Variants in POGZ observed in about 807,000 individuals in gnomAD.
POGZ encodes pogo transposable element derived with ZNF domain.
Under a neutral mutation model 134.6 loss-of-function variants are expected in POGZ, and 17 were observed. The observed-to-expected ratio is 0.13, with a 90% CI of 0.09 to 0.19. The LOEUF is 0.19. POGZ is among the 10% of genes least tolerant of loss of function. The probability of loss-of-function intolerance (pLI) is 1.00; values close to 1 mark genes in which losing one functional copy is unlikely to be tolerated. For missense variants in POGZ, 1,306 were observed against 1,769.7 expected, an observed-to-expected ratio of 0.74 and a Z score of 4.70; for synonymous variants, 693 against 657.1, an observed-to-expected ratio of 1.05 and a Z score of -0.84.
intron 1 of POGZ, among the ~76,000 whole-genome samples, chr1:151,443,207 CATTT>C (rs1660801523): frequency 6.6e-6 from 1 of 152,140 alleles, no homozygotes; most frequent in African/African-American, 2.4e-5. Context: ...CATTAAAATG[CATTT>C]ATTATGATTA....
intron 3 of POGZ, among the ~76,000 whole-genome samples, chr1:151,433,760 C>T (rs1009635646): frequency 6.6e-6 from 1 of 152,034 alleles, no homozygotes; most frequent in African/African-American, 2.4e-5. Context: ...TATTTAGAAG[C>T]ATTTTAATGA....
intron 1 of POGZ, among the ~76,000 whole-genome samples, chr1:151,453,163 G>A (rs557402102): frequency 1.3e-5 from 2 of 152,002 alleles, no homozygotes; most frequent in East Asian, 1.9e-4. Context: ...CTTGTGATCC[G>A]CCCATCTTGG....
chr1:151,446,254 GAA>G (rs142998370), intron 1 of POGZ, among the ~76,000 whole-genome samples: 31 of 39,192 alleles, frequency 7.9e-4, no homozygotes, highest in East Asian at 7.5e-3. Context: ...TTCTCATAAG[GAA>G]AAAAAAAAAA....
intron 2 of POGZ, 146 bp downstream of exon 2, chr1:151,441,935 G>C (rs1660598208): frequency 1.7e-6 from 1 of 574,424 alleles, no homozygotes; most frequent in African/African-American, 1.9e-5. Context: ...ACAGACTAGA[G>C]CATGGGAAAA....
intron 1 of POGZ, among the ~76,000 whole-genome samples, chr1:151,447,244 G>A (rs557841688): frequency 1.9e-4 from 29 of 151,960 alleles, no homozygotes; most frequent in African/African-American, 6.8e-4. Flanking sequence ...AAATTAGCCA[G>A]GTGTGTAATT....
intron 7 of POGZ, among the ~76,000 whole-genome samples, chr1:151,425,846 T>G (rs1477567219): frequency 6.6e-6 from 1 of 152,236 alleles, no homozygotes; most frequent in African/African-American, 2.4e-5. Context: ...TTCTAGTCCC[T>G]GCTTTCAATT....
chr1:151,458,499 CA>C (rs1325081984), intron 1 of POGZ, among the ~76,000 whole-genome samples: 1 of 152,002 alleles, frequency 6.6e-6, no homozygotes, highest in Non-Finnish European at 1.5e-5. Flanking sequence ...ATCGGCTCAG[CA>C]ATCACTCATT....
intron 1 of POGZ, among the ~76,000 whole-genome samples, chr1:151,456,858 G>A (rs1260212395): frequency 1.3e-5 from 2 of 152,108 alleles, no homozygotes; most frequent in African/African-American, 2.4e-5. Flanking sequence ...CACCCTGGGC[G>A]ACAGAGCAAA....
At chr1:151,442,731 T>C (rs1325719963) in intron 1 of POGZ, among the ~76,000 whole-genome samples, 2 of 141,640 alleles carry the variant, frequency 1.4e-5, no homozygotes, top group African/African-American at 5.3e-5. Flanking sequence ...AAAAAAAAAT[T>C]AGGATTATAA....
intron 5 of POGZ, among the ~76,000 whole-genome samples, chr1:151,429,089 C>A (rs1658260131): frequency 6.8e-6 from 1 of 147,608 alleles, no homozygotes; most frequent in Non-Finnish European, 1.5e-5. Flanking sequence ...ATGGAAAATT[C>A]TAAGATTTTA....
At chr1:151,419,131 A>G (rs1656373676) in intron 10 of POGZ, among the ~76,000 whole-genome samples, 1 of 151,622 alleles carries the variant, frequency 6.6e-6, no homozygotes, top group African/African-American at 2.4e-5. Flanking sequence ...ATGCAGGTAT[A>G]TCATTTAAGG....
At position 151,440,763 on chromosome 1, in the gene POGZ, C is replaced by T. The variant is rs1421047141; in HGVS notation, c.283+165G>A. The T allele has an allele frequency of 5.4e-6, 3 of 553,602 alleles. No individual in the cohort carries two copies. In the Admixed American group the frequency reaches 9.3e-5, roughly 17 times the overall value. The allele number at this position is 553,602 out of a possible 1,614,324, so 34.3% of individuals were successfully genotyped here. A position where few individuals can be genotyped will look rare whatever the true frequency, so the allele number is the denominator to read the frequency against. ...AGCACTAACTTAGAAGGAATAGCAC[C>T]ATCTACAGAAATCACTTCCGTATCA... On this transcript the variant is annotated intron_variant, in intron 3 of 18. Coordinates refer to ENST00000271715, the MANE Select transcript of POGZ (RefSeq NM_015100.4).
intron 1 of POGZ, among the ~76,000 whole-genome samples, chr1:151,443,301 CTACCTT>C (rs781110542): frequency 6.6e-6 from 1 of 152,208 alleles, no homozygotes; most frequent in Non-Finnish European, 1.5e-5. Context: ...AGTCCTACTA[CTACCTT>C]GTACGTCTAG....
At chr1:151,429,267 G>A (rs1289449011) in intron 5 of POGZ, 1 of 158,428 alleles carries the variant, frequency 6.3e-6, no homozygotes, top group Non-Finnish European at 1.4e-5. Flanking sequence ...ATCCCACCGT[G>A]CAAATGAGGA....
At chr1:151,416,227 A>AAG (rs2102220632) in intron 10 of POGZ, among the ~76,000 whole-genome samples, 1 of 148,702 alleles carries the variant, frequency 6.7e-6, no homozygotes, top group Non-Finnish European at 1.5e-5. Context: ...AAAAAAAAAA[A>AAG]AAAAAAAAGA....
At chr1:151,406,508 A>G (rs767319399) in intron 18 of POGZ, 44 bp from the exon 19 acceptor site, 18 of 1,557,784 alleles carry the variant, frequency 1.2e-5, no homozygotes, top group Non-Finnish European at 1.6e-5. Flanking sequence ...ATCTCAGTTC[A>G]ACTAGGAAAT....
chr1:151,411,935 G>C (rs2102191027), intron 11 of POGZ, 164 bp from the exon 12 acceptor site: 1 of 597,772 alleles, frequency 1.7e-6, no homozygotes, highest in Non-Finnish European at 2.9e-6. Context: ...GGCTATGTTT[G>C]TGATAGGTTT....
At position 151,428,188 on chromosome 1, in the gene POGZ, G is replaced by C. The variant is rs1476293577; in HGVS notation, c.794C>G (p.Thr265Ser). 2.5e-6 allele frequency: 4 copies of C among 1,614,076 alleles called. No individual in the cohort carries two copies. The highest frequency in any genetic ancestry group is 1.1e-5 in the South Asian group (1 of 91,092). ...TSTTPTATQP[T>S]SLGQLAVQSP... ...CTGAACAGCTAGTTGCCCCAGTGAG[G>C]TTGGCTGTGTGGCAGTGGGAGTGGT... The change falls in exon 6 of 19, where the codon ACC becomes AGC. Residue 265 changes from threonine to serine, a missense_variant. By Grantham distance (58) the Thr-to-Ser change is moderately conservative. This residue lies in a region of POGZ where 541 missense variants were observed against 680.5 expected (regional missense o/e 0.80). Transcript: ENST00000271715.
At position 151,405,651 on chromosome 1, in the gene POGZ, G is replaced by C. The variant is rs776405344; in HGVS notation, c.3384C>G (p.Ile1128Met). The change falls in exon 19 of 19, where the codon ATC becomes ATG. Residue 1128 changes from isoleucine to methionine, a missense_variant. Around this residue, in one of 10 missense-constraint regions of POGZ, gnomAD observed 161 missense variants for 185.4 expected, o/e 0.87. Coordinates refer to ENST00000271715, the MANE Select transcript of POGZ (RefSeq NM_015100.4). The surrounding 1 kb of genome is among the most constrained non-coding windows in gnomAD (Gnocchi z 4.9). ...PLSMIVAIDE[I>M]SLFLDTEVLS... ...GCACCTCTGTATCCAGGAACAAAGA[G>C]ATCTCATCAATAGCCACAATCATAG... 6.2e-7 allele frequency: 1 copy of C among 1,614,206 alleles called. No homozygotes were observed. Among genetic ancestry groups the C allele is most frequent in the South Asian group, 1.1e-5 (1 of 91,088 alleles).
Sources: gnomAD v4.1 joint callset for allele counts (sites outside exome capture counted in the v4.1 genomes callset) on GRCh38, gnomAD v4.1.1 for gene constraint, gnomAD v4.1.1 regional missense constraint, Gnocchi (gnomAD v3.1) non-coding constraint, MANE v1.5 for transcripts, NCBI Gene and HGNC (gene_info 2026-07-23, HGNC 2026-07-21) for gene names.